The following MAST4 variants were observed in gnomAD, a reference collection of about 807,000 sequenced individuals.
The protein encoded by MAST4 is microtubule associated serine/threonine kinase family member 4.
Under a neutral mutation model 162.7 loss-of-function variants are expected in MAST4, and 89 were observed. That is an observed-to-expected ratio of 0.55 (90% CI 0.46 to 0.65). The LOEUF (loss-of-function observed/expected upper bound fraction) is 0.65, where lower values mean the gene tolerates loss of function less well. MAST4 is among the 30% of genes least tolerant of loss of function. The pLI, the probability that MAST4 is intolerant of heterozygous loss-of-function variation, is 0.00. For synonymous variants in MAST4, 1,479 were observed against 1,361.1 expected (o/e 1.09, Z -1.91); for missense variants, 3,153 against 3,374.0 (o/e 0.93, Z 1.62).
At chr5:67,093,115 T>C (rs768228155) in intron 6 of MAST4, among the ~76,000 whole-genome samples, 1 of 152,232 alleles carries the variant, frequency 6.6e-6, no homozygotes, top group African/African-American at 2.4e-5. Flanking sequence ...TCTTTCTTTG[T>C]TGTATACCAT....
intron 3 of MAST4, among the ~76,000 whole-genome samples, chr5:66,849,860 G>A (rs1759173699): frequency 6.6e-6 from 1 of 152,180 alleles, no homozygotes; most frequent in Non-Finnish European, 1.5e-5. Flanking sequence ...AGGGCAGAAA[G>A]TTTAAAAAGA....
chr5:66,727,711 G>GT (rs1272154924), intron 1 of MAST4, among the ~76,000 whole-genome samples: 5 of 151,808 alleles, frequency 3.3e-5, no homozygotes, highest in South Asian at 2.1e-4. Context: ...GAGGGCTATC[G>GT]TTTTTTTTCC....
chr5:66,670,013 C>T (rs1294614636), intron 1 of MAST4, among the ~76,000 whole-genome samples: 1 of 152,198 alleles, frequency 6.6e-6, no homozygotes, highest in Non-Finnish European at 1.5e-5. Context: ...AGCCAGGTGA[C>T]TGCTGGGATG....
At chr5:66,658,143 C>T (rs949219579) in intron 1 of MAST4, among the ~76,000 whole-genome samples, 1 of 152,050 alleles carries the variant, frequency 6.6e-6, no homozygotes, top group Non-Finnish European at 1.5e-5. Context: ...ATATATCCAG[C>T]GTATAAAGAG....
chr5:67,156,389 C>T (rs976594531), intron 26 of MAST4, among the ~76,000 whole-genome samples: 2 of 152,200 alleles, frequency 1.3e-5, no homozygotes, highest in Non-Finnish European at 2.9e-5. Flanking sequence ...CTCCAGCTGC[C>T]AGTAACTTAA....
At chr5:66,991,238 A>T (rs1750035711) in intron 4 of MAST4, among the ~76,000 whole-genome samples, 1 of 152,170 alleles carries the variant, frequency 6.6e-6, no homozygotes, top group African/African-American at 2.4e-5. Flanking sequence ...GTTGAAAAAA[A>T]TTCAGTAGTT....
chr5:66,819,532 G>A (rs1756889864), intron 3 of MAST4, among the ~76,000 whole-genome samples: 1 of 152,138 alleles, frequency 6.6e-6, no homozygotes, highest in Admixed American at 6.5e-5. Flanking sequence ...TCAATATAAA[G>A]ACACAGGTGT....
rs762612899 is a variant in MAST4, at chr5:67,118,708, A to G, written c.1618A>G (p.Ser540Gly). The change falls in exon 13 of 29, where the codon AGT becomes GGT. Residue 540 changes from serine (S) to glycine (G), a missense_variant. Physicochemically the swap from Ser to Gly is moderately conservative, Grantham distance 56 (BLOSUM62 0). Coordinates refer to ENST00000403625, the MANE Select transcript of MAST4 (RefSeq NM_001164664.2). ...EEMAHLGNYD[S>G]GTAETPETDE... ...AATGGCTCATTTGGGAAACTACGAT[A>G]GTGGGACAGCAGAAACACCAGAAAC... 3 of 1,577,934 alleles carry G rather than the reference A, an allele frequency of 1.9e-6. No homozygotes were observed. The highest frequency in any genetic ancestry group is 2.6e-6 in the Non-Finnish European group (3 of 1,158,812).
intron 2 of MAST4, among the ~76,000 whole-genome samples, chr5:66,786,147 G>A (rs902139942): frequency 6.6e-6 from 1 of 152,156 alleles, no homozygotes; most frequent in African/African-American, 2.4e-5. Flanking sequence ...GGTATTACAG[G>A]CGTGAGCCAC....
chr5:66,934,870 T>C (rs1030956917), intron 4 of MAST4, among the ~76,000 whole-genome samples: 1 of 152,186 alleles, frequency 6.6e-6, no homozygotes, highest in Non-Finnish European at 1.5e-5. Context: ...AGTGGTAACA[T>C]GGTACTCTTT....
chr5:67,050,228 G>T (rs947573027), intron 4 of MAST4, among the ~76,000 whole-genome samples: 2 of 152,208 alleles, frequency 1.3e-5, no homozygotes, highest in East Asian at 3.8e-4. Flanking sequence ...AGCTCCTTGT[G>T]AAACTGTTTT....
At chr5:66,975,615 G>A (rs1041329886) in intron 4 of MAST4, among the ~76,000 whole-genome samples, 1 of 152,156 alleles carries the variant, frequency 6.6e-6, no homozygotes, top group Admixed American at 6.5e-5. Context: ...AGAAACACAA[G>A]GGCATCCTTA....
intron 4 of MAST4, among the ~76,000 whole-genome samples, chr5:67,018,817 TATC>T (rs1271946585): frequency 6.6e-6 from 1 of 152,230 alleles, no homozygotes; most frequent in African/African-American, 2.4e-5. Context: ...CAAAATAACT[TATC>T]ATGTTCTTCC....
intron 3 of MAST4, chr5:66,870,917 A>G: frequency 4.3e-6 from 2 of 466,654 alleles, no homozygotes; most frequent in Non-Finnish European, 8.9e-6. Flanking sequence ...TGCGGTAAAC[A>G]GGGTGTGGGG....
At chr5:66,726,468 T>C (rs753965400) in intron 1 of MAST4, among the ~76,000 whole-genome samples, 9 of 152,144 alleles carry the variant, frequency 5.9e-5, no homozygotes, top group Non-Finnish European at 1.2e-4. Context: ...TGAGCAGTTA[T>C]TGAGGCTGGA....
intron 4 of MAST4, among the ~76,000 whole-genome samples, chr5:66,964,659 G>A (rs1746460529): frequency 6.6e-6 from 1 of 152,134 alleles, no homozygotes; most frequent in African/African-American, 2.4e-5. Context: ...AAATTAGCCG[G>A]GCGTGGTGGT....
At chr5:66,622,280 A>G (rs892257088) in intron 1 of MAST4, among the ~76,000 whole-genome samples, 2 of 152,172 alleles carry the variant, frequency 1.3e-5, no homozygotes, top group African/African-American at 4.8e-5. Flanking sequence ...CTGAGATGGA[A>G]CATATCTGGA....
intron 3 of MAST4, among the ~76,000 whole-genome samples, chr5:66,856,113 T>C (rs970922514): frequency 6.6e-5 from 10 of 152,126 alleles, no homozygotes; most frequent in African/African-American, 1.9e-4. Context: ...TGAGCCATGA[T>C]TGCACCACTG....
intron 7 of MAST4, among the ~76,000 whole-genome samples, chr5:67,097,152 A>T (rs1281393431): frequency 6.6e-6 from 1 of 152,142 alleles, no homozygotes; most frequent in Non-Finnish European, 1.5e-5. Context: ...CAGGATTTGT[A>T]TTCTTTCCAT....
Sources: allele counts gnomAD v4.1 joint callset (sites outside exome capture counted in the v4.1 genomes callset), GRCh38; gene constraint gnomAD v4.1.1; transcripts MANE v1.5; gene names NCBI Gene and HGNC (gene_info 2026-07-23, HGNC 2026-07-21).